PRRC2B: variants seen among roughly 807,000 people sequenced by gnomAD.
PRRC2B encodes proline rich coiled-coil 2B.
In PRRC2B, 68 loss-of-function variants were observed where a neutral mutation model predicts 242.3. The ratio of observed to expected loss-of-function variants is 0.28; its 90% CI spans 0.23 to 0.34. The LOEUF is 0.34. PRRC2B is among the 10% of genes least tolerant of loss of function. The pLI is 1.00. For synonymous variants in PRRC2B, 1,228 were observed against 1,173.6 expected (o/e 1.05, Z -0.95); for missense variants, 2,835 against 2,954.8 (o/e 0.96, Z 0.94).
At chr9:131,445,830 A>G (rs1310295649) in intron 6 of PRRC2B, among the ~76,000 whole-genome samples, 1 of 152,244 alleles carries the variant, frequency 6.6e-6, no homozygotes, top group Non-Finnish European at 1.5e-5. Flanking sequence ...GGCAATAGAA[A>G]GCATCATTTT....
At chr9:131,421,824 C>T (rs1421285425) in intron 1 of PRRC2B, among the ~76,000 whole-genome samples, 1 of 152,170 alleles carries the variant, frequency 6.6e-6, no homozygotes, top group Admixed American at 6.5e-5. Context: ...ATCATCTGTA[C>T]AGTTGGCCAG....
intron 11 of PRRC2B, among the ~76,000 whole-genome samples, chr9:131,463,483 T>C (rs1252838318): frequency 6.6e-6 from 1 of 152,154 alleles, no homozygotes; most frequent in Non-Finnish European, 1.5e-5. Context: ...AGAGCTCAGG[T>C]GACAGCTGTC....
chr9:131,495,539 T>C lies in PRRC2B; in HGVS notation c.6556-201T>C, dbSNP rs76566524. 3.0e-3 allele frequency among the ~76,000 whole-genome samples: 460 copies of C among 152,186 alleles called. 1 individual carries two copies. The highest frequency in any genetic ancestry group is 0.017 in the Middle Eastern group (5 of 294). ...TCCGAATCACTGCACTCAGGGCTTA[T>C]GGGGAGGGAGCAGAGACGGCACTCG... On this transcript the variant is annotated intron_variant, in intron 31 of 31. Coordinates refer to ENST00000683519, the MANE Select transcript of PRRC2B (RefSeq NM_013318.4).
Position 131,478,174 on chromosome 9 carries a change from C to T in PRRC2B, c.4612+225C>T, listed in dbSNP as rs189705952. Reference sequence around the variant, plus strand: ...AATCCCCGTGACACCCTGCAGCTTCCGGGCTTTAAAGAGAGGAAGCCTGGG... The same window carrying T: ...AATCCCCGTGACACCCTGCAGCTTCTGGGCTTTAAAGAGAGGAAGCCTGGG... On this transcript the variant is annotated intron_variant, in intron 17 of 31. Transcript: ENST00000683519. 7.9e-5 allele frequency among the ~76,000 whole-genome samples: 12 copies of T among 152,242 alleles called. No homozygotes were observed. In the South Asian group the frequency reaches 1.2e-3, roughly 16 times the overall value.
intron 1 of PRRC2B, among the ~76,000 whole-genome samples, chr9:131,416,253 C>T (rs750333867): frequency 3.9e-5 from 6 of 152,122 alleles, no homozygotes; most frequent in East Asian, 1.9e-4. Context: ...GGATTACAGG[C>T]GCATGCCACC....
intron 1 of PRRC2B, among the ~76,000 whole-genome samples, chr9:131,420,709 C>T (rs1217461314): frequency 1.3e-5 from 2 of 151,466 alleles, no homozygotes; most frequent in South Asian, 2.1e-4. Flanking sequence ...AGGCTGGTTC[C>T]GAACTCCTGA....
chr9:131,463,628 CTTTTT>C (rs374951504), intron 11 of PRRC2B, among the ~76,000 whole-genome samples: 3 of 125,780 alleles, frequency 2.4e-5, no homozygotes, highest in Non-Finnish European at 4.8e-5. Context: ...TTTAGGCATG[CTTTTT>C]TTTTTTTTTT....
Position 131,404,662 on chromosome 9 carries a change from G to A in PRRC2B, c.-52+10399G>A, listed in dbSNP as rs149255644. Among the ~76,000 whole-genome samples, 542 of 152,246 alleles carry A rather than the reference G, an allele frequency of 3.6e-3. 1 individual carries two copies. Among genetic ancestry groups the A allele is most frequent in the African/African-American group, 8.8e-3 (364 of 41,558 alleles). ...AAAAACCCACATTATCCACATGCAC[G>A]TTTGTATTCTTCAAGCATGCTGCTG... On this transcript the variant is annotated intron_variant, in intron 1 of 31. Transcript: ENST00000683519.
intron 1 of PRRC2B, among the ~76,000 whole-genome samples, chr9:131,382,834 G>A (rs1000156019): frequency 2.0e-5 from 3 of 152,016 alleles, no homozygotes; most frequent in South Asian, 2.1e-4. Context: ...TAGTAGAGAC[G>A]GAGTTTCACC....
chr9:131,392,547 C>G (rs1042235389), upstream of PRRC2B, among the ~76,000 whole-genome samples: 1 of 152,030 alleles, frequency 6.6e-6, no homozygotes, highest in Non-Finnish European at 1.5e-5. Context: ...AAATCGAAAA[C>G]AAAAATTAGG....
intron 1 of PRRC2B, among the ~76,000 whole-genome samples, chr9:131,429,261 TTGAGTGAGTGAGTGAGTGAG>T (rs36119236): frequency 1.3e-5 from 2 of 151,762 alleles, no homozygotes; most frequent in Non-Finnish European, 2.9e-5. Context: ...GCTTAGTATT[TTGAGTGAGTGAGTGAGTGAG>T]TGAGTGAGTG....
Position 131,481,643 on chromosome 9 carries a change from C to T in PRRC2B, c.4901-83C>T, listed in dbSNP as rs1943871798. 7.2e-6 allele frequency: 8 copies of T among 1,111,000 alleles called. No homozygotes were observed. The East Asian group carries it at 7.7e-5, about 11-fold the overall frequency. The allele number at this position is 1,111,000 out of a possible 1,614,324, so 68.8% of individuals were successfully genotyped here. ...GGGAGTTGGATTTCTGCAAGCTGTG[C>T]CTGTGCTTGTTCTTTAAGAGCTCAT... On this transcript the variant is annotated intron_variant, in intron 19 of 31. Transcript: ENST00000683519.
At chr9:131,375,932 C>T (rs1836677636) in intron 1 of PRRC2B, among the ~76,000 whole-genome samples, 1 of 151,732 alleles carries the variant, frequency 6.6e-6, no homozygotes, top group Admixed American at 6.6e-5. Context: ...GCCTGTAATC[C>T]CAGCTACTTG....
rs1177370679 is a variant in PRRC2B at position 131,498,346 on chromosome 9, A to G, written c.*2472A>G. 6.6e-6 allele frequency: 1 copy of G among 152,266 alleles called. No homozygotes were observed. The highest frequency in any genetic ancestry group is 1.5e-5 in the Non-Finnish European group (1 of 68,046). 9.4% of individuals were successfully genotyped at this position (152,266 alleles called of 1,614,324 possible). On this transcript the variant is annotated 3_prime_UTR_variant, in exon 32 of 32. Transcript: ENST00000683519. ...GAATTAATTCTGTGCAGGAAAGGCC[A>G]GGAAATTGCATGTGAAGTTCGGTGC...
At position 131,474,922 on chromosome 9, in the gene PRRC2B, G is replaced by A. The variant is rs1943645045; in HGVS notation, c.2793G>A (p.Glu931=). 2 of 1,594,740 alleles carry A rather than the reference G, an allele frequency of 1.3e-6. No homozygotes were observed. Among genetic ancestry groups the A allele is most frequent in the East Asian group, 4.6e-5 (2 of 43,772 alleles). ...EPRSSSSQHP[E]QTGRTRRSGP... ...GGAGCTCCAGCAGCCAGCACCCGGAGCAGACGGGCAGGACCCGGAGGTCGG... is the reference window on the plus strand; with the variant it reads ...GGAGCTCCAGCAGCCAGCACCCGGAACAGACGGGCAGGACCCGGAGGTCGG... The change falls in exon 16 of 32, where the codon GAG becomes GAA. Residue 931 remains glutamate (E), a synonymous_variant. Coordinates refer to ENST00000683519, the MANE Select transcript of PRRC2B (RefSeq NM_013318.4).
intron 1 of PRRC2B, among the ~76,000 whole-genome samples, chr9:131,411,311 TTTTTTTTGTTTG>T (rs943128308): frequency 2.7e-5 from 4 of 149,156 alleles, no homozygotes; most frequent in African/African-American, 7.4e-5. Flanking sequence ...TGCTATTTTC[TTTTTTTTGTTTG>T]TTTTTTTGTT....
intron 4 of PRRC2B, 111 bp downstream of exon 4, chr9:131,436,833 C>T (rs761354341): frequency 6.0e-6 from 5 of 827,416 alleles, no homozygotes; most frequent in Middle Eastern, 4.7e-4. Context: ...TGTGCATGAC[C>T]TGTCTATTCC....
intron 15 of PRRC2B, 54 bp from the exon 16 acceptor site, chr9:131,474,400 A>G: frequency 6.8e-7 from 1 of 1,468,942 alleles, no homozygotes; most frequent in South Asian, 1.3e-5. Context: ...TTCAGCATGG[A>G]AACCAGGAAC....
chr9:131,376,920 T>C (rs1387578580), intron 1 of PRRC2B, among the ~76,000 whole-genome samples: 2 of 152,026 alleles, frequency 1.3e-5, no homozygotes, highest in African/African-American at 2.4e-5. Flanking sequence ...GGCAGGAGGA[T>C]GGCTTGAGCG....
Sources: gnomAD v4.1 joint callset for allele counts (sites outside exome capture counted in the v4.1 genomes callset) on GRCh38, gnomAD v4.1.1 for gene constraint, MANE v1.5 for transcripts, NCBI Gene and HGNC (gene_info 2026-07-23, HGNC 2026-07-21) for gene names.